The following SLC1A2 variants were observed in gnomAD, a reference collection of about 807,000 sequenced individuals.
SLC1A2 encodes the protein excitatory amino acid transporter 2.
SLC1A2 carries 15 observed loss-of-function variants against 48.8 expected under a neutral mutation model. That is an observed-to-expected ratio of 0.31 (90% CI 0.21 to 0.47). SLC1A2 has a LOEUF of 0.47. Among genes scored for constraint, SLC1A2 ranks in the 20% least tolerant of loss-of-function variants. SLC1A2 has a pLI of 0.99. For synonymous variants in SLC1A2, 279 were observed against 272.6 expected (o/e 1.02, Z -0.23); for missense variants, 502 against 730.5 (o/e 0.69, Z 3.61).
intron 10 of SLC1A2, among the ~76,000 whole-genome samples, chr11:35,263,467 T>A (rs191898865): frequency 1.2e-4 from 18 of 152,206 alleles, no homozygotes; most frequent in Admixed American, 7.2e-4. Flanking sequence ...AAACTCCGTC[T>A]TAAAAAAAAG....
intron 4 of SLC1A2, among the ~76,000 whole-genome samples, chr11:35,308,800 C>A (rs552891250): frequency 3.9e-5 from 6 of 152,288 alleles, no homozygotes; most frequent in Non-Finnish European, 7.4e-5. Context: ...GTCCCTAAGC[C>A]ACCATCATGT....
At chr11:35,276,364 G>T (rs1303895404) in intron 9 of SLC1A2, among the ~76,000 whole-genome samples, 2 of 151,840 alleles carry the variant, frequency 1.3e-5, no homozygotes, top group African/African-American at 4.8e-5. Flanking sequence ...CTCTTCATTT[G>T]CTCCTTTCTT....
intron 1 of SLC1A2, among the ~76,000 whole-genome samples, chr11:35,361,088 G>T (rs909547608): frequency 6.6e-6 from 1 of 151,880 alleles, no homozygotes. Flanking sequence ...GTTGGCCAGG[G>T]TGGTCTCAAA....
At chr11:35,417,323 T>C (rs941049571) in intron 1 of SLC1A2, among the ~76,000 whole-genome samples, 1 of 152,228 alleles carries the variant, frequency 6.6e-6, no homozygotes, top group Non-Finnish European at 1.5e-5. Flanking sequence ...GTTGTTGTTG[T>C]AACCTCTCCT....
At chr11:35,367,804 C>T (rs1853903888) in intron 1 of SLC1A2, among the ~76,000 whole-genome samples, 2 of 152,186 alleles carry the variant, frequency 1.3e-5, no homozygotes, top group South Asian at 4.1e-4. Flanking sequence ...GTGTTGAACA[C>T]TGACTGATTC....
intron 9 of SLC1A2, among the ~76,000 whole-genome samples, chr11:35,274,031 A>T (rs1226467278): frequency 1.3e-5 from 2 of 152,322 alleles, no homozygotes; most frequent in South Asian, 2.1e-4. Context: ...AAGGAGTCCC[A>T]AGGGGAAATT....
chr11:35,285,699 G>A (rs1011604659), intron 8 of SLC1A2: 2 of 152,304 alleles, frequency 1.3e-5, no homozygotes, highest in Admixed American at 1.3e-4. Flanking sequence ...GGGAGCAGGG[G>A]AGACTGTGGG....
At chr11:35,313,925 G>A (rs138508842) in intron 3 of SLC1A2, among the ~76,000 whole-genome samples, 3 of 152,256 alleles carry the variant, frequency 2.0e-5, no homozygotes, top group East Asian at 3.9e-4. Flanking sequence ...CTTTCATGAG[G>A]TGGCCAGTCC....
At chr11:35,333,827 A>ATTTTTTTTTTTTTTTTT (rs373988431) in intron 1 of SLC1A2, among the ~76,000 whole-genome samples, 11 of 126,178 alleles carry the variant, frequency 8.7e-5, no homozygotes, top group Non-Finnish European at 1.2e-4. Flanking sequence ...ATGCCAGCTA[A>ATTTTTTTTTTTTTTTTT]TTTTTTTTTT....
At chr11:35,398,987 TAATAC>T (rs1855059289) in intron 1 of SLC1A2, among the ~76,000 whole-genome samples, 2 of 152,210 alleles carry the variant, frequency 1.3e-5, no homozygotes, top group South Asian at 4.1e-4. Flanking sequence ...GAAGGAAGGA[TAATAC>T]ACTAAACCCT....
Position 35,292,480 on chromosome 11 carries a change from T to A in SLC1A2, c.898A>T (p.Ile300Phe), listed in dbSNP as rs757056544. The change falls in exon 7 of 11, where the codon ATC (isoleucine) becomes TTC (phenylalanine). Residue 300 changes from isoleucine to phenylalanine, a missense_variant. Physicochemically the swap from Ile to Phe is conservative, Grantham distance 21 (BLOSUM62 0). Coordinates refer to ENST00000278379, the MANE Select transcript of SLC1A2 (RefSeq NM_004171.4). ...ACTTCTAAGTCCTTGATTGCAATGATCTTTCCACAGATCAGGCAGGCGATA... is the reference window on the plus strand; with the variant it reads ...ACTTCTAAGTCCTTGATTGCAATGAACTTTCCACAGATCAGGCAGGCGATA... ...LGIACLICGK[I>F]IAIKDLEVVA... 1.9e-6 allele frequency: 3 copies of A among 1,613,822 alleles called. No individual in the cohort carries two copies. The highest frequency in any genetic ancestry group is 1.3e-5 in the African/African-American group (1 of 74,974).
chr11:35,280,065 A>G lies in SLC1A2; in HGVS notation c.1421+802T>C, dbSNP rs771368972. Among the ~76,000 whole-genome samples, 137 of 152,330 alleles carry G rather than the reference A, an allele frequency of 9.0e-4. 1 individual carries two copies. Among genetic ancestry groups the G allele is most frequent in the Non-Finnish European group, 1.4e-3 (95 of 68,028 alleles). Reference sequence around the variant, plus strand: ...TAGACACCTGTGCATACCTGTGCATATGGAACATTTCTGTCACTCCCAAAG... The same window carrying G: ...TAGACACCTGTGCATACCTGTGCATGTGGAACATTTCTGTCACTCCCAAAG... On this transcript the variant is annotated intron_variant, in intron 9 of 10. Transcript: ENST00000278379.
intron 1 of SLC1A2, among the ~76,000 whole-genome samples, chr11:35,362,859 T>G (rs549078652): frequency 1.3e-5 from 2 of 152,266 alleles, no homozygotes; most frequent in African/African-American, 4.8e-5. Flanking sequence ...CTCCCCCTTT[T>G]GGTGACATTT....
chr11:35,275,856 CATCTT>C (rs2134661266), intron 9 of SLC1A2, among the ~76,000 whole-genome samples: 1 of 152,280 alleles, frequency 6.6e-6, no homozygotes, highest in African/African-American at 2.4e-5. Flanking sequence ...CACCCCATCT[CATCTT>C]AGCCCCCACC....
At chr11:35,388,123 A>T (rs1590260545) in intron 1 of SLC1A2, among the ~76,000 whole-genome samples, 1 of 152,188 alleles carries the variant, frequency 6.6e-6, no homozygotes, top group Non-Finnish European at 1.5e-5. Context: ...CTACGTATCA[A>T]CCCTCGGGGA....
rs115315147 is a variant in SLC1A2 at position 35,384,222 on chromosome 11, G to A, written c.17+34728C>T. Among the ~76,000 whole-genome samples the A allele has an allele frequency of 7.1e-3, 1,078 of 152,248 alleles. 16 individuals are homozygous for A. The highest frequency in any genetic ancestry group is 0.025 in the African/African-American group (1,037 of 41,522). ...TGTCTTGTCACATGTAACTTAAACC[G>A]GTGAGTGGGTGATTCATCAACGAAG... On this transcript the variant is annotated intron_variant, in intron 1 of 10. Transcript: ENST00000278379.
At chr11:35,315,261 C>G (rs1330244666) in intron 2 of SLC1A2, 86 bp from the exon 3 acceptor site, 6 of 905,754 alleles carry the variant, frequency 6.6e-6, no homozygotes, top group Admixed American at 2.1e-5. Flanking sequence ...CAACATTGAC[C>G]TTTCTCATGC....
intron 1 of SLC1A2, among the ~76,000 whole-genome samples, chr11:35,336,258 C>G (rs545843732): frequency 6.6e-6 from 1 of 152,082 alleles, no homozygotes; most frequent in Non-Finnish European, 1.5e-5. Flanking sequence ...TGCAACAAAC[C>G]GCTATGGCAC....
chr11:35,388,319 A>G (rs1854648077), intron 1 of SLC1A2, among the ~76,000 whole-genome samples: 1 of 152,248 alleles, frequency 6.6e-6, no homozygotes. Flanking sequence ...TCACATTTTC[A>G]TCTTTTACGG....
Sources: gnomAD v4.1 joint callset for allele counts (sites outside exome capture counted in the v4.1 genomes callset) on GRCh38, gnomAD v4.1.1 for gene constraint, MANE v1.5 for transcripts, NCBI Gene and HGNC (gene_info 2026-07-23, HGNC 2026-07-21) for gene names.